The following MGA variants were observed in gnomAD, a reference collection of about 807,000 sequenced individuals.
MGA encodes the protein MAX gene-associated protein.
In MGA, 40 loss-of-function variants were observed where a neutral mutation model predicts 261.1. The observed-to-expected ratio is 0.15, with a 90% CI of 0.12 to 0.20. The LOEUF is 0.20. Among genes scored for constraint, MGA ranks in the 10% least tolerant of loss-of-function variants. The pLI, the probability that MGA is intolerant of heterozygous loss-of-function variation, is 1.00. For missense variants in MGA, 3,397 were observed against 3,630.5 expected, an observed-to-expected ratio of 0.94 and a Z score of 1.65; for synonymous variants, 1,302 against 1,290.6, an observed-to-expected ratio of 1.01 and a Z score of -0.19.
chr15:41,705,749 T>G (rs2060074013), intron 5 of MGA, among the ~76,000 whole-genome samples: 1 of 152,156 alleles, frequency 6.6e-6, no homozygotes, highest in Non-Finnish European at 1.5e-5. Context: ...ATGTGGTGGA[T>G]TGGTGTTCAT....
chr15:41,707,079 A>G (rs1817649177), intron 5 of MGA, among the ~76,000 whole-genome samples: 9 of 152,230 alleles, frequency 5.9e-5, no homozygotes, highest in Admixed American at 3.9e-4. Flanking sequence ...TGAGTTTGTA[A>G]TAGAGGCCTT....
At chr15:41,760,608 C>A in intron 20 of MGA, 79 bp downstream of exon 20, 1 of 1,397,696 alleles carries the variant, frequency 7.2e-7, no homozygotes, top group Non-Finnish European at 1.0e-6. Flanking sequence ...AATCCACTGA[C>A]ATATAAGGGA....
chr15:41,712,703 T>A (rs1037652431), intron 8 of MGA, among the ~76,000 whole-genome samples: 62 of 152,164 alleles, frequency 4.1e-4, no homozygotes, highest in African/African-American at 1.4e-3. Context: ...CCAGCAAACT[T>A]TTTCTGTAAA....
chr15:41,716,496 C>G (rs1288557036), intron 9 of MGA, among the ~76,000 whole-genome samples: 3 of 151,778 alleles, frequency 2.0e-5, no homozygotes, highest in African/African-American at 7.3e-5. Context: ...TTTTTGTTAA[C>G]AACTGATATG....
At chr15:41,651,442 C>CT (rs2057040406) in intron 1 of MGA, among the ~76,000 whole-genome samples, 1 of 152,154 alleles carries the variant, frequency 6.6e-6, no homozygotes, top group African/African-American at 2.4e-5. Context: ...TCTTCCTCCA[C>CT]TTTCTAATTT....
chr15:41,705,624 A>T (rs1274867737), intron 5 of MGA, among the ~76,000 whole-genome samples: 1 of 152,218 alleles, frequency 6.6e-6, no homozygotes, highest in African/African-American at 2.4e-5. Flanking sequence ...GGCCTCCCAA[A>T]GTGCAGGGAT....
At position 41,766,206 on chromosome 15, in the gene MGA, T is replaced by C; in HGVS notation, c.8124T>C (p.Asp2708=). 1.2e-6 allele frequency: 2 copies of C among 1,613,986 alleles called. No individual in the cohort carries two copies. The highest frequency in any genetic ancestry group is 2.7e-5 in the African/African-American group (2 of 75,052). Reference sequence around the variant, plus strand: ...GAATCTCTTCCAGAGGAAACAGAGATGGCAGAGTGACGTTGGGTCCAACGC... The same window carrying C: ...GAATCTCTTCCAGAGGAAACAGAGACGGCAGAGTGACGTTGGGTCCAACGC... Residue 2708 remains aspartate, a synonymous_variant, in exon 24 of 24, where the codon GAT becomes GAC. Transcript: ENST00000219905.
chr15:41,621,844 G>A (rs938177160), intron 1 of MGA, among the ~76,000 whole-genome samples: 1 of 152,208 alleles, frequency 6.6e-6, no homozygotes, highest in Non-Finnish European at 1.5e-5. Context: ...GACGGCCTGA[G>A]CGGTCTTTCG....
At chr15:41,661,950 G>A (rs1356665968) in intron 1 of MGA, among the ~76,000 whole-genome samples, 2 of 152,120 alleles carry the variant, frequency 1.3e-5, no homozygotes, top group Admixed American at 6.5e-5. Context: ...CCCCGGAAGA[G>A]CTTTCCTTGC....
intron 6 of MGA, 45 bp downstream of exon 6, chr15:41,707,904 GTTTACGTTA>G: frequency 3.2e-6 from 5 of 1,585,054 alleles, no homozygotes; most frequent in Non-Finnish European, 4.3e-6. Context: ...TTTTCTTGAA[GTTTACGTTA>G]TTTGTAACGT....
rs543981901 is a variant in MGA, at chr15:41,736,774, A to G, written c.4434+76A>G. 1.9e-5 allele frequency: 27 copies of G among 1,403,864 alleles called. No homozygotes were observed. In the African/African-American group the frequency reaches 3.8e-4, roughly 20 times the overall value. 87.0% of individuals were successfully genotyped at this position (1,403,864 alleles called of 1,614,324 possible). A position where few individuals can be genotyped will look rare whatever the true frequency, so the allele number is the denominator to read the frequency against. The stretch of plus-strand genomic sequence containing the variant: ...GTATCATGATTTTTCAGAGCCCTTT[A>G]TGGTCCTGATATCCTTTATCTTGAC... On this transcript the variant is annotated intron_variant, in intron 13 of 23. Transcript: ENST00000219905.
intron 23 of MGA, 96 bp downstream of exon 23, chr15:41,765,158 A>G: frequency 7.3e-7 from 1 of 1,377,976 alleles, no homozygotes; most frequent in East Asian, 2.3e-5. Context: ...CTGTAATGAT[A>G]AAGAGCTATT....
At chr15:41,685,956 G>A (rs1412922140) in intron 2 of MGA, among the ~76,000 whole-genome samples, 1 of 149,542 alleles carries the variant, frequency 6.7e-6, no homozygotes, top group African/African-American at 2.5e-5. Flanking sequence ...AGGGAGCCGA[G>A]ATCGTGCCAC....
At chr15:41,686,308 C>A (rs2058965225) in intron 2 of MGA, among the ~76,000 whole-genome samples, 1 of 152,048 alleles carries the variant, frequency 6.6e-6, no homozygotes, top group East Asian at 1.9e-4. Context: ...AGCCCAGGAG[C>A]TTGAAAGCAG....
chr15:41,657,479 G>A (rs777621145), upstream of MGA, among the ~76,000 whole-genome samples: 6 of 150,584 alleles, frequency 4.0e-5, no homozygotes, highest in Non-Finnish European at 2.9e-5. Flanking sequence ...TTAGCCTCCC[G>A]TGTGGCTGGG....
chr15:41,625,708 C>T (rs2056433271), intron 1 of MGA, among the ~76,000 whole-genome samples: 1 of 151,324 alleles, frequency 6.6e-6, no homozygotes, highest in South Asian at 2.1e-4. Context: ...AGTGTGTGTC[C>T]CAAAAAATAA....
chr15:41,640,717 C>T (rs1217444749), intron 1 of MGA, among the ~76,000 whole-genome samples: 2 of 152,148 alleles, frequency 1.3e-5, no homozygotes, highest in East Asian at 3.8e-4. Flanking sequence ...CGGGGTTTTG[C>T]CATGTAAGTT....
intron 3 of MGA, 57 bp downstream of exon 3, chr15:41,697,080 A>G (rs1006695992): frequency 7.6e-7 from 1 of 1,323,460 alleles, no homozygotes; most frequent in African/African-American, 1.5e-5. Flanking sequence ...TGAATTGTAT[A>G]CTGGCTTGTA....
chr15:41,738,022 G>T (rs1031044560), intron 13 of MGA, among the ~76,000 whole-genome samples: 2 of 151,950 alleles, frequency 1.3e-5, no homozygotes. Context: ...CAAATGTGTG[G>T]AAGTGTCTGA....
Sources: gnomAD v4.1 joint callset for allele counts (sites outside exome capture counted in the v4.1 genomes callset) on GRCh38, gnomAD v4.1.1 for gene constraint, MANE v1.5 for transcripts, NCBI Gene and HGNC (gene_info 2026-07-23, HGNC 2026-07-21) for gene names.